Variants in RGS6 observed in about 807,000 individuals in gnomAD.
RGS6 encodes regulator of G-protein signaling 6.
Under a neutral mutation model 78.5 loss-of-function variants are expected in RGS6, and 30 were observed. The observed-to-expected ratio is 0.38, with a 90% confidence interval of 0.29 to 0.52. The LOEUF is 0.52. RGS6 is among the 20% of genes least tolerant of loss of function. The pLI, the probability that RGS6 is intolerant of heterozygous loss-of-function variation, is 0.85. For missense variants in RGS6, 495 were observed against 609.7 expected (o/e 0.81, Z 1.98); for synonymous variants, 206 against 206.0 (o/e 1.00, Z 0.00).
chr14:72,442,330 T>C (rs2095234758), intron 3 of RGS6, among the ~76,000 whole-genome samples: 1 of 152,158 alleles, frequency 6.6e-6, no homozygotes, highest in African/African-American at 2.4e-5. Flanking sequence ...CTGTTCTGCA[T>C]GAGTCCTCCT....
intron 2 of RGS6, among the ~76,000 whole-genome samples, chr14:72,334,807 CA>C (rs2075733864): frequency 1.3e-5 from 2 of 152,102 alleles, no homozygotes; most frequent in Admixed American, 6.5e-5. Context: ...CATCTCCCCA[CA>C]GGGTCTGGCT....
At chr14:72,268,950 G>A (rs1343726109) in intron 2 of RGS6, among the ~76,000 whole-genome samples, 1 of 152,144 alleles carries the variant, frequency 6.6e-6, no homozygotes, top group Non-Finnish European at 1.5e-5. Flanking sequence ...CTGGCAATTC[G>A]ACCTGATCTC....
At chr14:72,191,663 T>A (rs1315741066) in intron 2 of RGS6, among the ~76,000 whole-genome samples, 1 of 152,202 alleles carries the variant, frequency 6.6e-6, no homozygotes. Flanking sequence ...CCTCCATGAT[T>A]AAATTACTTC....
the RGS6 span, among the ~76,000 whole-genome samples, chr14:71,926,245 T>G: frequency 2.0e-5 from 3 of 152,216 alleles, no homozygotes; most frequent in Admixed American, 6.5e-5. Context: ...GGAGGCATAC[T>G]GATTTCAAAT....
chr14:72,131,235 G>A (rs900708850), intron 2 of RGS6, among the ~76,000 whole-genome samples: 20 of 152,196 alleles, frequency 1.3e-4, no homozygotes, highest in African/African-American at 4.8e-4. Context: ...TTTAATGCCC[G>A]ACTGTGGATT....
chr14:72,028,432 A>G (rs2090290794), intron 2 of RGS6, among the ~76,000 whole-genome samples: 1 of 152,222 alleles, frequency 6.6e-6, no homozygotes, highest in African/African-American at 2.4e-5. Flanking sequence ...AATACATCTT[A>G]CAGTTAGCTC....
At chr14:72,097,427 T>C (rs2095431564) in intron 2 of RGS6, among the ~76,000 whole-genome samples, 1 of 152,258 alleles carries the variant, frequency 6.6e-6, no homozygotes, top group Non-Finnish European at 1.5e-5. Flanking sequence ...TCATTCTCTT[T>C]ACTTTGGTCT....
intron 1 of RGS6, among the ~76,000 whole-genome samples, chr14:71,943,093 A>C (rs2090902099): frequency 6.6e-6 from 1 of 152,128 alleles, no homozygotes; most frequent in Non-Finnish European, 1.5e-5. Flanking sequence ...CATGAATGAG[A>C]GCTGGTGGTG....
At chr14:72,620,837 A>G in the RGS6 span, among the ~76,000 whole-genome samples, 1 of 152,198 alleles carries the variant, frequency 6.6e-6, no homozygotes, top group African/African-American at 2.4e-5. Context: ...TGTGGTAGAC[A>G]TCTAATCACG....
chr14:72,064,894 T>C (rs1002226713), intron 2 of RGS6, among the ~76,000 whole-genome samples: 20 of 152,240 alleles, frequency 1.3e-4, no homozygotes, highest in African/African-American at 4.8e-4. Flanking sequence ...GTGGCAATGG[T>C]ATCATGTGGC....
chr14:72,102,590 C>T (rs2095549974), intron 2 of RGS6, among the ~76,000 whole-genome samples: 1 of 152,114 alleles, frequency 6.6e-6, no homozygotes, highest in Non-Finnish European at 1.5e-5. Context: ...GGGCATGTAG[C>T]TGCTACATGG....
rs145396512 is a variant in RGS6, at chr14:72,382,659, G to A, written c.184+30465G>A. Among the ~76,000 whole-genome samples, 28 of 152,278 alleles carry A rather than the reference G, an allele frequency of 1.8e-4. No individual in the cohort carries two copies. The East Asian group carries it at 3.9e-3, about 21-fold the overall frequency. ...GACACTCATCTTAGCAGCATTGTTC[G>A]TAGCAGCAAAATTCTGGAATAATCC... is the stretch of plus-strand genomic sequence containing the variant. On this transcript the variant is annotated intron_variant, in intron 3 of 17. Transcript: ENST00000553525.
intron 3 of RGS6, among the ~76,000 whole-genome samples, chr14:72,381,314 A>G (rs564026638): frequency 7.4e-4 from 112 of 152,220 alleles, no homozygotes; most frequent in African/African-American, 2.6e-3. Flanking sequence ...TTTTCAACAC[A>G]AAAAAAGATA....
At chr14:72,203,731 C>T (rs911912128) in intron 2 of RGS6, among the ~76,000 whole-genome samples, 6 of 151,914 alleles carry the variant, frequency 3.9e-5, no homozygotes, top group African/African-American at 1.5e-4. Context: ...TTTGTTTTCA[C>T]TGGGAATGTG....
upstream of RGS6, among the ~76,000 whole-genome samples, chr14:71,928,746 A>G (rs2087756882): frequency 6.6e-6 from 1 of 152,222 alleles, no homozygotes; most frequent in Non-Finnish European, 1.5e-5. Flanking sequence ...CTTTAGATGA[A>G]TTTCAGGATC....
At chr14:72,366,826 G>A (rs900025298) in intron 3 of RGS6, among the ~76,000 whole-genome samples, 2 of 152,194 alleles carry the variant, frequency 1.3e-5, no homozygotes, top group Admixed American at 6.5e-5. Flanking sequence ...TGGGCAGAAT[G>A]CCTGCCAGCC....
intron 17 of RGS6, among the ~76,000 whole-genome samples, chr14:72,546,631 G>A (rs55837098): frequency 0.012 from 1,831 of 152,274 alleles, 37 homozygotes; most frequent in African/African-American, 0.042. Context: ...ATCAGGGCCC[G>A]GTGGAGGCAG....
intron 12 of RGS6, among the ~76,000 whole-genome samples, chr14:72,490,173 T>G (rs61303255): frequency 0.016 from 2,386 of 152,316 alleles, 66 homozygotes; most frequent in East Asian, 0.095. Flanking sequence ...GGGCAGGTCA[T>G]TCCTGTGCTG....
At chr14:72,621,516 C>G in the RGS6 span, among the ~76,000 whole-genome samples, 3 of 152,118 alleles carry the variant, frequency 2.0e-5, no homozygotes, top group African/African-American at 7.2e-5. Flanking sequence ...GCAATGAGGG[C>G]TTTTTTTGTC....
Sources: gnomAD v4.1 joint callset for allele counts (sites outside exome capture counted in the v4.1 genomes callset) on GRCh38, gnomAD v4.1.1 for gene constraint, MANE v1.5 for transcripts, NCBI Gene and HGNC (gene_info 2026-07-23, HGNC 2026-07-21) for gene names.